Variants in AMD1 observed in about 807,000 individuals in gnomAD.
AMD1 encodes S-adenosylmethionine decarboxylase proenzyme.
Under a neutral mutation model 40.2 loss-of-function variants are expected in AMD1, and 11 were observed. The ratio of observed to expected loss-of-function variants is 0.27; its 90% confidence interval spans 0.17 to 0.45. The LOEUF (loss-of-function observed/expected upper bound fraction) is 0.45. Among genes scored for constraint, AMD1 ranks in the 20% least tolerant of loss-of-function variants. The pLI is 1.00. For missense variants in AMD1, 257 were observed against 410.2 expected (o/e 0.63, Z 3.23); for synonymous variants, 121 against 130.8 (o/e 0.93, Z 0.51).
the AMD1 span, among the ~76,000 whole-genome samples, chr6:110,845,486 C>T: frequency 1.3e-5 from 2 of 152,152 alleles, no homozygotes; most frequent in African/African-American, 4.8e-5. Context: ...GCTTACCTAA[C>T]ATAGCATAAA....
chr6:110,875,377 G>A (rs963681594), intron 1 of AMD1, among the ~76,000 whole-genome samples, 162 bp downstream of exon 1: 1 of 152,152 alleles, frequency 6.6e-6, no homozygotes, highest in Non-Finnish European at 1.5e-5. Context: ...GTTTGGGGGA[G>A]AGCGGCCATG....
the AMD1 span, chr6:110,814,975 C>T: frequency 1.9e-6 from 3 of 1,597,564 alleles, no homozygotes; most frequent in Non-Finnish European, 1.7e-6. Context: ...GGCGAGGACC[C>T]GAGCGAGCCT....
chr6:110,821,262 TTC>T, the AMD1 span, among the ~76,000 whole-genome samples: 1 of 152,158 alleles, frequency 6.6e-6, no homozygotes, highest in African/African-American at 2.4e-5. Flanking sequence ...GAGTTCTGTT[TTC>T]TGAGACCCAA....
Position 110,888,837 on chromosome 6 carries a change from G to A in AMD1, c.198-20G>A, listed in dbSNP as rs113764512. The A allele has an allele frequency of 6.2e-7, 1 of 1,607,646 alleles. No homozygotes were observed. The highest frequency in any genetic ancestry group is 1.1e-5 in the South Asian group (1 of 90,132). On this transcript the variant is annotated intron_variant, in intron 2 of 8. Transcript: ENST00000368885. ...AGTACATTAGTATTGTTATAATATTGTGACTTTTTTCAACTGCAGTGAGAG... is the reference window on the plus strand; with the variant it reads ...AGTACATTAGTATTGTTATAATATTATGACTTTTTTCAACTGCAGTGAGAG...
the AMD1 span, among the ~76,000 whole-genome samples, chr6:110,847,388 G>T: frequency 2.6e-5 from 4 of 151,088 alleles, no homozygotes; most frequent in African/African-American, 9.7e-5. Flanking sequence ...AGCCGGGCAT[G>T]GTGGTGGGTG....
chr6:110,892,133 T>G (rs1482400937), intron 4 of AMD1, 28 bp from the exon 5 acceptor site: 2 of 1,611,746 alleles, frequency 1.2e-6, no homozygotes, highest in Non-Finnish European at 1.7e-6. Flanking sequence ...ATGTGTTATA[T>G]TTATTTTGCG....
chr6:110,886,931 T>C (rs1785724533), intron 1 of AMD1, among the ~76,000 whole-genome samples: 1 of 152,226 alleles, frequency 6.6e-6, no homozygotes, highest in Admixed American at 6.5e-5. Context: ...TATGGTTGCT[T>C]GTACTGCACA....
chr6:110,820,315 C>T, the AMD1 span, among the ~76,000 whole-genome samples: 1 of 151,484 alleles, frequency 6.6e-6, no homozygotes, highest in South Asian at 2.1e-4. Flanking sequence ...TGGCTCACCA[C>T]GACCTCCACC....
the AMD1 span, among the ~76,000 whole-genome samples, chr6:110,861,323 A>T: frequency 6.7e-6 from 1 of 149,888 alleles, no homozygotes; most frequent in Non-Finnish European, 1.5e-5. Context: ...ATGCCACTGC[A>T]CTCCAGCCTG....
rs1159806645 is a variant in AMD1 at position 110,894,825 on chromosome 6, T to G, written c.*1209T>G. The stretch of plus-strand genomic sequence containing the variant: ...CATGTGAGTGTTCCGACTTCATCTG[T>G]TCCTCTTAACTACGGTGTTTCCCTT... On this transcript the variant is annotated 3_prime_UTR_variant, in exon 9 of 9. Coordinates refer to ENST00000368885, the MANE Select transcript of AMD1 (RefSeq NM_001634.6). The G allele has an allele frequency of 1.3e-5, 2 of 152,198 alleles. No homozygotes were observed. Among genetic ancestry groups the G allele is most frequent in the Non-Finnish European group, 2.9e-5 (2 of 68,028 alleles). 9.4% of individuals were successfully genotyped at this position (152,198 alleles called of 1,614,324 possible). A position where few individuals can be genotyped will look rare whatever the true frequency, so the allele number is the denominator to read the frequency against.
chr6:110,851,689 T>C, the AMD1 span, among the ~76,000 whole-genome samples: 1 of 152,152 alleles, frequency 6.6e-6, no homozygotes, highest in Non-Finnish European at 1.5e-5. Flanking sequence ...CTCAAACTCC[T>C]GACCTCAAGC....
the AMD1 span, among the ~76,000 whole-genome samples, chr6:110,821,229 A>G: frequency 7.2e-5 from 11 of 152,312 alleles, no homozygotes; most frequent in Admixed American, 3.3e-4. Context: ...CTTTAGTTCA[A>G]CATGCCAAAG....
the AMD1 span, chr6:110,858,232 G>A: frequency 2.8e-5 from 25 of 891,960 alleles, no homozygotes; most frequent in Non-Finnish European, 4.3e-5. Context: ...CGCAGCGCGC[G>A]CCAGCCATGA....
rs746199629 is a variant in AMD1 at position 110,888,938 on chromosome 6, C to G, written c.279C>G (p.Pro93=). Residue 93 remains proline, a synonymous_variant, in exon 3 of 9, where the codon CCC becomes CCG. Transcript: ENST00000368885. ...GTTLLLKALV[P]LLKLARDYSG... ...CCCTCTTGCTGAAAGCACTGGTTCC[C>G]CTGTTGAAGCTTGCTAGGGATTACA... The G allele has an allele frequency of 6.2e-7, 1 of 1,613,852 alleles. No homozygotes were observed. The highest frequency in any genetic ancestry group is 1.1e-5 in the South Asian group (1 of 91,046).
At chr6:110,837,730 AAAAAAAAAAAAAAAAATATAT>A in the AMD1 span, among the ~76,000 whole-genome samples, 13 of 110,534 alleles carry the variant, frequency 1.2e-4, no homozygotes, top group African/African-American at 4.9e-4. Context: ...AAAAAAAAAA[AAAAAAAAAAAAAAAAATATAT>A]ATATATATAT....
At chr6:110,814,742 C>G in the AMD1 span, 1 of 639,124 alleles carries the variant, frequency 1.6e-6, no homozygotes, top group Non-Finnish European at 2.9e-6. Flanking sequence ...CCCCCGCCGT[C>G]TCCGAGCACT....
At chr6:110,839,629 A>G in the AMD1 span, among the ~76,000 whole-genome samples, 3 of 152,200 alleles carry the variant, frequency 2.0e-5, no homozygotes, top group Non-Finnish European at 4.4e-5. Flanking sequence ...TAAAAAATAA[A>G]TAAATAAATA....
chr6:110,815,026 C>T, the AMD1 span: 9 of 1,604,086 alleles, frequency 5.6e-6, no homozygotes, highest in African/African-American at 1.1e-4. Context: ...TCCGCCTCGC[C>T]TTGTAGACGT....
chr6:110,862,064 G>A, the AMD1 span, among the ~76,000 whole-genome samples: 37 of 134,730 alleles, frequency 2.7e-4, 1 homozygote, highest in East Asian at 3.1e-3. Context: ...TTGTTACCCC[G>A]GCTGGAGTGC....
Sources: gnomAD v4.1 joint callset for allele counts (sites outside exome capture counted in the v4.1 genomes callset) on GRCh38, gnomAD v4.1.1 for gene constraint, MANE v1.5 for transcripts, NCBI Gene and HGNC (gene_info 2026-07-23, HGNC 2026-07-21) for gene names.